Variants in SRFBP1 observed in about 807,000 individuals in gnomAD.
SRFBP1 encodes the protein serum response factor binding protein 1.
A neutral mutation model predicts 45.5 loss-of-function variants in SRFBP1; 47 were observed. The ratio of observed to expected loss-of-function variants is 1.03; its 90% CI spans 0.82 to 1.32. SRFBP1 has a LOEUF of 1.32. Ranked by LOEUF, SRFBP1 falls within the 40% of genes most tolerant of loss-of-function variation. The pLI, the probability that SRFBP1 is intolerant of heterozygous loss-of-function variation, is 0.00. For synonymous variants in SRFBP1, 203 were observed against 166.3 expected, an observed-to-expected ratio of 1.22 and a Z score of -1.70; for missense variants, 621 against 484.6, an observed-to-expected ratio of 1.28 and a Z score of -2.64.
chr5:121,995,826 G>A (rs1055375922), intron 4 of SRFBP1, among the ~76,000 whole-genome samples: 1 of 151,270 alleles, frequency 6.6e-6, no homozygotes, highest in Admixed American at 6.6e-5. Flanking sequence ...AATGATAAAG[G>A]GGATATCACC....
chr5:122,022,494 A>G (rs13356899), intron 7 of SRFBP1, 87 bp downstream of exon 7: 141,820 of 1,098,886 alleles, frequency 0.13, 9,711 homozygotes, highest in South Asian at 0.15. Flanking sequence ...GTTGCTTAAT[A>G]TAGCCTGAAT....
At chr5:122,004,939 T>G (rs1752946477) in intron 4 of SRFBP1, among the ~76,000 whole-genome samples, 1 of 152,204 alleles carries the variant, frequency 6.6e-6, no homozygotes. Flanking sequence ...TTAATTTTCA[T>G]GGATGTGTGA....
intron 4 of SRFBP1, among the ~76,000 whole-genome samples, chr5:122,011,630 T>C (rs997135823): frequency 1.2e-4 from 18 of 152,198 alleles, no homozygotes; most frequent in Admixed American, 1.0e-3. Context: ...TGTGCATTTG[T>C]CTTAGCCTTT....
downstream of SRFBP1, among the ~76,000 whole-genome samples, chr5:122,032,142 TA>T (rs1170515097): frequency 1.3e-5 from 2 of 152,212 alleles, no homozygotes; most frequent in Non-Finnish European, 2.9e-5. Context: ...TTTAAAAAGA[TA>T]TATATAAAGT....
chr5:122,074,395 C>T (rs1754553837), intron 2 of SRFBP1, among the ~76,000 whole-genome samples: 2 of 151,966 alleles, frequency 1.3e-5, no homozygotes, highest in Admixed American at 1.3e-4. Context: ...AGACTTAGTT[C>T]AGTATTTTGC....
At chr5:122,037,849 C>G in intron 2 of SRFBP1, among the ~76,000 whole-genome samples, 1 of 152,086 alleles carries the variant, frequency 6.6e-6, no homozygotes, top group East Asian at 1.9e-4. Flanking sequence ...CTGGATTTAC[C>G]CCTGTGTGTT....
In SRFBP1 at chr5:122,022,399, G is replaced by C; in HGVS notation, c.1097G>C (p.Arg366Thr). The C allele has an allele frequency of 1.9e-6, 3 of 1,611,574 alleles. No individual in the cohort carries two copies. Among genetic ancestry groups the C allele is most frequent in the Non-Finnish European group, 2.5e-6 (3 of 1,178,974 alleles). ...TTCAAAGAACAGGCTCCAAAAACAA[G>C]ATCCCTAGGTATGTATTCATAGTTG... is the stretch of plus-strand genomic sequence containing the variant. ...RNFKEQAPKT[R>T]SLDFPQNEPQ... Residue 366 changes from arginine (R) to threonine (T), a missense_variant, in exon 7 of 8, where the codon AGA becomes ACA. Coordinates refer to ENST00000339397, the MANE Select transcript of SRFBP1 (RefSeq NM_152546.3).
chr5:121,969,689 A>G (rs1338304907), intron 1 of SRFBP1, among the ~76,000 whole-genome samples: 1 of 152,052 alleles, frequency 6.6e-6, no homozygotes, highest in African/African-American at 2.4e-5. Flanking sequence ...TGTAAGTCTT[A>G]ATTCTTTTTC....
At chr5:122,016,236 C>G (rs1260950348) in intron 4 of SRFBP1, among the ~76,000 whole-genome samples, 1 of 152,142 alleles carries the variant, frequency 6.6e-6, no homozygotes, top group Non-Finnish European at 1.5e-5. Context: ...CTGCCTAAGT[C>G]TTCTGTTTCT....
intron 2 of SRFBP1, among the ~76,000 whole-genome samples, chr5:122,035,696 G>A (rs1178769385): frequency 6.6e-6 from 1 of 152,116 alleles, no homozygotes; most frequent in Non-Finnish European, 1.5e-5. Context: ...CTTTTGTGCT[G>A]TATAAGTGTT....
chr5:122,052,510 T>G (rs1330889512), intron 2 of SRFBP1, among the ~76,000 whole-genome samples: 4 of 152,228 alleles, frequency 2.6e-5, no homozygotes, highest in Non-Finnish European at 4.4e-5. Context: ...CTTCGAGTCC[T>G]GAGATTCCTC....
chr5:121,999,270 A>G (rs550416249), intron 4 of SRFBP1, among the ~76,000 whole-genome samples: 9 of 152,214 alleles, frequency 5.9e-5, no homozygotes, highest in African/African-American at 2.2e-4. Flanking sequence ...CCAGACCGTT[A>G]GGGGTTTTCC....
intron 2 of SRFBP1, among the ~76,000 whole-genome samples, chr5:122,048,720 A>C (rs939118664): frequency 1.3e-5 from 2 of 152,164 alleles, no homozygotes; most frequent in African/African-American, 4.8e-5. Flanking sequence ...CCTCAATTTC[A>C]GAGCCTGTTA....
chr5:121,998,641 T>G (rs1166079907), intron 4 of SRFBP1, among the ~76,000 whole-genome samples: 1 of 130,480 alleles, frequency 7.7e-6, no homozygotes, highest in Non-Finnish European at 1.6e-5. Flanking sequence ...AATGTGCACA[T>G]GTACCCTAAA....
At chr5:121,970,342 G>A (rs1752160663) in intron 1 of SRFBP1, among the ~76,000 whole-genome samples, 1 of 152,116 alleles carries the variant, frequency 6.6e-6, no homozygotes. Context: ...ACCCACTGCA[G>A]TTTATTAGTT....
rs75134085 is a variant in SRFBP1, at chr5:122,024,734, C to T, written c.1106-2208C>T. Among the ~76,000 whole-genome samples, 21 of 152,280 alleles carry T rather than the reference C, an allele frequency of 1.4e-4. No homozygotes were observed. In the South Asian group the frequency reaches 4.1e-3, roughly 30 times the overall value. On this transcript the variant is annotated intron_variant, in intron 7 of 7. Transcript: ENST00000339397. ...ATGCCCCATTTATACCATATATTCA[C>T]AAACACAGGATAACTGTAAATATAA...
At position 122,001,546 on chromosome 5, in the gene SRFBP1, CTTTTTTTTTT is replaced by C. The variant is rs1166482651; in HGVS notation, c.270+6893_270+6902del. Among the ~76,000 whole-genome samples the C allele has an allele frequency of 3.8e-5, 4 of 104,908 alleles. 1 individual carries two copies. In the South Asian group the frequency reaches 9.9e-4, roughly 26 times the overall value. 68.8% of individuals were successfully genotyped at this position (104,908 alleles called of 152,430 possible). ...AAGAAGCCAAGTCATCCTTTGGTAT[CTTTTTTTTTT>C]TTTTTTTTTTTTTTTTGAGACGGAG... On this transcript the variant is annotated intron_variant, in intron 4 of 7. Coordinates refer to ENST00000339397, the MANE Select transcript of SRFBP1 (RefSeq NM_152546.3).
chr5:122,020,213 C>T lies in SRFBP1; in HGVS notation c.478C>T (p.Arg160Cys), dbSNP rs376474484. The change falls in exon 6 of 8, where the codon CGT becomes TGT. Residue 160 changes from arginine (R) to cysteine (C), a missense_variant. Physicochemically the swap from Arg to Cys is radical, Grantham distance 180. Transcript: ENST00000339397. ...AAATGATAATGGAAGTAATTTACAG[C>T]GTGAAGCAACTGTCATCAGTGAGCA... Reference protein sequence around the residue: ...YSNDNGSNLQREATVISEQKV... With the variant: ...YSNDNGSNLQCEATVISEQKV... 11 of 1,613,186 alleles carry T rather than the reference C, an allele frequency of 6.8e-6. No homozygotes were observed. The highest frequency in any genetic ancestry group is 1.3e-5 in the African/African-American group (1 of 74,850).
chr5:121,992,807 A>G (rs894982870), intron 3 of SRFBP1, among the ~76,000 whole-genome samples: 44 of 152,140 alleles, frequency 2.9e-4, no homozygotes, highest in African/African-American at 1.0e-3. Context: ...TTTTTATTAC[A>G]TGGATTTTTT....
Sources: gnomAD v4.1 joint callset for allele counts (sites outside exome capture counted in the v4.1 genomes callset) on GRCh38, gnomAD v4.1.1 for gene constraint, MANE v1.5 for transcripts, NCBI Gene and HGNC (gene_info 2026-07-23, HGNC 2026-07-21) for gene names.